The following ELOVL5 variants were observed in gnomAD, a reference collection of about 807,000 sequenced individuals.
ELOVL5 encodes the protein ELOVL fatty acid elongase 5, also known as very long chain fatty acid elongase 5.
A neutral mutation model predicts 38.6 loss-of-function variants in ELOVL5; 8 were observed. The observed-to-expected ratio is 0.21, with a 90% confidence interval of 0.12 to 0.37. ELOVL5 has a LOEUF of 0.37. ELOVL5 is among the 10% of genes least tolerant of loss of function. The pLI is 1.00. For synonymous variants in ELOVL5, 127 were observed against 133.7 expected (o/e 0.95, Z 0.34); for missense variants, 280 against 367.8 (o/e 0.76, Z 1.95).
chr6:53,340,602 G>A (rs1408124951), intron 1 of ELOVL5, among the ~76,000 whole-genome samples: 2 of 152,060 alleles, frequency 1.3e-5, no homozygotes, highest in African/African-American at 4.8e-5. Context: ...TCTTCATTTA[G>A]ATATACAGAT....
intron 1 of ELOVL5, among the ~76,000 whole-genome samples, chr6:53,301,715 G>C (rs1386774428): frequency 1.4e-5 from 2 of 146,860 alleles, no homozygotes; most frequent in East Asian, 2.0e-4. Context: ...AATGGATTAC[G>C]GGCAGGTAAA....
At chr6:53,313,654 GC>G (rs1296796251) in intron 1 of ELOVL5, among the ~76,000 whole-genome samples, 2 of 152,180 alleles carry the variant, frequency 1.3e-5, no homozygotes, top group Non-Finnish European at 2.9e-5. Context: ...GAGCCACCAT[GC>G]CTGGCTAAAA....
Position 53,348,900 on chromosome 6 carries a change from G to GC in ELOVL5, c.-93_-92insG. The GC allele has an allele frequency of 2.2e-6, 1 of 453,176 alleles. No homozygotes were observed. The highest frequency in any genetic ancestry group is 2.4e-5 in the Admixed American group (1 of 42,440). The allele number at this position is 453,176 out of a possible 1,614,324, so 28.1% of individuals were successfully genotyped here. Reference sequence around the variant, plus strand: ...GAGCGCGGGTGGCAGCCGGCGCAGAGGCGGATGTAGAAGGAGACACCGGTG... The same window carrying GC: ...GAGCGCGGGTGGCAGCCGGCGCAGAGCGCGGATGTAGAAGGAGACACCGGTG... On this transcript the variant is annotated 5_prime_UTR_variant, in exon 1 of 8. Transcript: ENST00000304434.
intron 1 of ELOVL5, among the ~76,000 whole-genome samples, chr6:53,315,673 T>C (rs1259147091): frequency 6.6e-6 from 1 of 152,136 alleles, no homozygotes; most frequent in Non-Finnish European, 1.5e-5. Flanking sequence ...GAAAATCTGA[T>C]TAAAGCAAAA....
At chr6:53,295,593 G>C in intron 2 of ELOVL5, 49 bp downstream of exon 2, 1 of 1,259,594 alleles carries the variant, frequency 7.9e-7, no homozygotes, top group South Asian at 1.3e-5. Context: ...AGGGACTATA[G>C]GCAGGGAGTG....
At chr6:53,337,741 A>T (rs1769136698) in intron 1 of ELOVL5, among the ~76,000 whole-genome samples, 1 of 152,210 alleles carries the variant, frequency 6.6e-6, no homozygotes, top group South Asian at 2.1e-4. Context: ...AATTTTTAGG[A>T]ATCAAGAAAA....
intron 1 of ELOVL5, among the ~76,000 whole-genome samples, chr6:53,310,200 G>C (rs1022177421): frequency 4.6e-5 from 7 of 152,118 alleles, no homozygotes; most frequent in Admixed American, 2.6e-4. Context: ...AAGTGAAAAG[G>C]CTTATTATCT....
chr6:53,342,254 C>T lies in ELOVL5; in HGVS notation c.-9+6563G>A, dbSNP rs904004849. Among the ~76,000 whole-genome samples, 4 of 152,272 alleles carry T rather than the reference C, an allele frequency of 2.6e-5. 1 individual carries two copies. The highest frequency in any genetic ancestry group is 6.5e-5 in the Admixed American group (1 of 15,302). On this transcript the variant is annotated intron_variant, in intron 1 of 7. Coordinates refer to ENST00000304434, the MANE Select transcript of ELOVL5 (RefSeq NM_021814.5). ...AAGCAGAAGTACCCTGAATACTACC[C>T]CTAGGGAGATACATCACATTTCAAA...
rs573266849 is a variant in ELOVL5, at chr6:53,333,126, C to T, written c.-9+15691G>A. Among the ~76,000 whole-genome samples, 14 of 152,286 alleles carry T rather than the reference C, an allele frequency of 9.2e-5. No homozygotes were observed. The East Asian group carries it at 1.2e-3, about 13-fold the overall frequency. On this transcript the variant is annotated intron_variant, in intron 1 of 7. Coordinates refer to ENST00000304434, the MANE Select transcript of ELOVL5 (RefSeq NM_021814.5). The stretch of plus-strand genomic sequence containing the variant: ...GGAAGAGTATCCCTTTGCAAGAGAA[C>T]GGTGTAGAGAACAGTGTTAAAGAGA...
intron 1 of ELOVL5, among the ~76,000 whole-genome samples, chr6:53,305,369 GGC>G (rs1767466256): frequency 9.5e-6 from 1 of 105,536 alleles, no homozygotes; most frequent in African/African-American, 6.3e-5. Flanking sequence ...CGGCTGGCCT[GGC>G]GGGGGCTGAC....
At chr6:53,325,397 A>C (rs1768500570) in intron 1 of ELOVL5, among the ~76,000 whole-genome samples, 1 of 152,168 alleles carries the variant, frequency 6.6e-6, no homozygotes, top group African/African-American at 2.4e-5. Context: ...CCCGTATCTT[A>C]CCTATCATTT....
rs2127564478 is a variant in ELOVL5, at chr6:53,269,226, C to T, written c.801G>A (p.Lys267=). Reference sequence around the variant, plus strand: ...CAGCCATGGACCCATTCTGGTGGTCCTTCAGGTGGTCTTTCCTTCGGGAGG... The same window carrying T: ...CAGCCATGGACCCATTCTGGTGGTCTTTCAGGTGGTCTTTCCTTCGGGAGG... The part of the protein sequence containing the change: ...KGASRRKDHL[K]DHQNGSMAAV... Residue 267 remains lysine (K), a synonymous_variant, in exon 8 of 8, where the codon AAG becomes AAA. Transcript: ENST00000304434. The T allele has an allele frequency of 6.2e-7, 1 of 1,613,016 alleles. No individual in the cohort carries two copies. The highest frequency in any genetic ancestry group is 8.5e-7 in the Non-Finnish European group (1 of 1,179,346).
intron 1 of ELOVL5, among the ~76,000 whole-genome samples, chr6:53,315,112 G>A (rs1767978463): frequency 1.3e-5 from 2 of 152,188 alleles, no homozygotes; most frequent in East Asian, 3.8e-4. Flanking sequence ...GGGTTCTGGA[G>A]GCTAGGAAGT....
At chr6:53,273,458 C>T in intron 5 of ELOVL5, 114 bp from the exon 6 acceptor site, 1 of 981,296 alleles carries the variant, frequency 1.0e-6, no homozygotes. Flanking sequence ...AGATGACTTC[C>T]AACGGAGCTG....
intron 1 of ELOVL5, among the ~76,000 whole-genome samples, chr6:53,329,970 T>A (rs209507): frequency 0.39 from 60,085 of 152,172 alleles, 14,120 homozygotes; most frequent in East Asian, 0.58. Flanking sequence ...GCTTCTTATC[T>A]TAATGGCAAA....
At chr6:53,309,716 G>A (rs941507002) in intron 1 of ELOVL5, among the ~76,000 whole-genome samples, 3 of 152,178 alleles carry the variant, frequency 2.0e-5, no homozygotes, top group African/African-American at 7.2e-5. Context: ...GCATGTTTCT[G>A]TCTGTGTTTC....
chr6:53,315,629 G>C (rs927642486), intron 1 of ELOVL5, among the ~76,000 whole-genome samples: 1 of 152,102 alleles, frequency 6.6e-6, no homozygotes, highest in Non-Finnish European at 1.5e-5. Flanking sequence ...TATATTAGTT[G>C]TTCTTAAATT....
intron 1 of ELOVL5, among the ~76,000 whole-genome samples, chr6:53,325,821 G>A (rs189650508): frequency 5.9e-5 from 9 of 152,296 alleles, no homozygotes; most frequent in African/African-American, 1.9e-4. Context: ...ATTTTACCTC[G>A]ACTTTATTAA....
Position 53,276,111 on chromosome 6 carries a change from A to G in ELOVL5, c.324+68T>C. ...GCAGTGAGGTTATGGGCCATTTTGTATTTTATACAATTTATTTTTAAAAAC... is the reference window on the plus strand; with the variant it reads ...GCAGTGAGGTTATGGGCCATTTTGTGTTTTATACAATTTATTTTTAAAAAC... On this transcript the variant is annotated intron_variant, in intron 4 of 7. Transcript: ENST00000304434. 5 of 1,133,508 alleles carry G rather than the reference A, an allele frequency of 4.4e-6. No homozygotes were observed. The South Asian group carries it at 6.9e-5, about 16-fold the overall frequency. 70.2% of individuals were successfully genotyped at this position (1,133,508 alleles called of 1,614,324 possible).
Sources: allele counts gnomAD v4.1 joint callset (sites outside exome capture counted in the v4.1 genomes callset), GRCh38; gene constraint gnomAD v4.1.1; transcripts MANE v1.5; gene names NCBI Gene and HGNC (gene_info 2026-07-23, HGNC 2026-07-21).